The following ACAD11 variants were observed in gnomAD, a reference collection of about 807,000 sequenced individuals.
ACAD11 encodes the protein acyl-Coenzyme A dehydrogenase family, member 11.
In ACAD11, 83 loss-of-function variants were observed where a neutral mutation model predicts 102.2. That is an observed-to-expected ratio of 0.81 (90% CI 0.68 to 0.97). ACAD11 has a LOEUF of 0.97. Among genes scored for constraint, ACAD11 ranks in the 50% least tolerant of loss-of-function variants. ACAD11 has a pLI of 0.00. For missense variants in ACAD11, 901 were observed against 951.7 expected (o/e 0.95, Z 0.70); for synonymous variants, 324 against 319.8 (o/e 1.01, Z -0.14).
chr3:132,650,862 T>A (rs1461271786), intron 1 of ACAD11, among the ~76,000 whole-genome samples: 1 of 152,148 alleles, frequency 6.6e-6, no homozygotes, highest in Admixed American at 6.5e-5. Context: ...TCCCCTTTTA[T>A]ACTTGTTTAC....
intron 11 of ACAD11, 134 bp downstream of exon 11, chr3:132,618,500 T>C: frequency 1.2e-6 from 1 of 801,374 alleles, no homozygotes; most frequent in South Asian, 3.3e-5. Context: ...TAAATCAAAG[T>C]AACTGAAAAG....
intron 13 of ACAD11, among the ~76,000 whole-genome samples, chr3:132,586,583 T>C (rs937811488): frequency 4.6e-5 from 7 of 151,980 alleles, no homozygotes; most frequent in East Asian, 1.9e-4. Flanking sequence ...GTCCCATTTT[T>C]CCCCCAAATA....
At chr3:132,641,617 G>GGAGGAAGAA (rs1940513558) in intron 4 of ACAD11, among the ~76,000 whole-genome samples, 2 of 127,790 alleles carry the variant, frequency 1.6e-5, no homozygotes, top group African/African-American at 5.4e-5. Context: ...AGGAAGAAGA[G>GGAGGAAGAA]GAGGAAGAAG....
At position 132,605,217 on chromosome 3, in the gene ACAD11, G is replaced by A; in HGVS notation, c.1415-12C>T. On this transcript the variant is annotated splice_polypyrimidine_tract_variant and intron_variant, in intron 11 of 19. Coordinates refer to ENST00000264990, the MANE Select transcript of ACAD11 (RefSeq NM_032169.5). ...CATATTCCCTGTGTCTACACATAAA[G>A]AAGGAGTATTTGTTTTGCATTTGAA... 1.3e-6 allele frequency: 2 copies of A among 1,590,568 alleles called. No homozygotes were observed. Among genetic ancestry groups the A allele is most frequent in the Non-Finnish European group, 1.7e-6 (2 of 1,161,440 alleles).
intron 17 of ACAD11, among the ~76,000 whole-genome samples, chr3:132,574,532 A>G (rs1311701980): frequency 1.3e-5 from 2 of 152,230 alleles, no homozygotes; most frequent in African/African-American, 2.4e-5. Context: ...AAAAGCAAAC[A>G]TAGATTATAA....
At chr3:132,638,457 G>C (rs1940356698) in intron 5 of ACAD11, among the ~76,000 whole-genome samples, 1 of 152,126 alleles carries the variant, frequency 6.6e-6, no homozygotes, top group African/African-American at 2.4e-5. Flanking sequence ...GGGAATGAAA[G>C]TTAAGCATAA....
At chr3:132,637,128 T>C (rs1940303966) in intron 5 of ACAD11, among the ~76,000 whole-genome samples, 1 of 152,104 alleles carries the variant, frequency 6.6e-6, no homozygotes, top group Admixed American at 6.6e-5. Flanking sequence ...GGCTAGAAAC[T>C]GGTTAAAGTC....
chr3:132,592,695 C>T (rs765179670), intron 13 of ACAD11, among the ~76,000 whole-genome samples: 2 of 152,158 alleles, frequency 1.3e-5, no homozygotes, highest in Admixed American at 1.3e-4. Flanking sequence ...TTTCTTCTAC[C>T]AACATAGAAT....
At chr3:132,570,273 C>A (rs535027258) in intron 17 of ACAD11, among the ~76,000 whole-genome samples, 1 of 152,048 alleles carries the variant, frequency 6.6e-6, no homozygotes, top group Non-Finnish European at 1.5e-5. Flanking sequence ...ATTCTAAACA[C>A]AGAATTGAGT....
chr3:132,559,198 C>G, intron 19 of ACAD11, 113 bp from the exon 20 acceptor site: 1 of 786,012 alleles, frequency 1.3e-6, no homozygotes. Flanking sequence ...TAAATTCCAC[C>G]AAGGTCAGGG....
At chr3:132,590,213 A>G (rs2107806842) in intron 13 of ACAD11, among the ~76,000 whole-genome samples, 1 of 152,336 alleles carries the variant, frequency 6.6e-6, no homozygotes, top group African/African-American at 2.4e-5. Flanking sequence ...GTATATACCC[A>G]GTAATGGGAT....
At chr3:132,608,259 A>G (rs928843418) in intron 11 of ACAD11, among the ~76,000 whole-genome samples, 3 of 152,202 alleles carry the variant, frequency 2.0e-5, no homozygotes, top group African/African-American at 7.2e-5. Flanking sequence ...GACAGGATCA[A>G]ATTCACATAT....
chr3:132,652,373 T>A (rs1338965016), intron 1 of ACAD11, among the ~76,000 whole-genome samples: 3 of 152,226 alleles, frequency 2.0e-5, no homozygotes, highest in African/African-American at 7.2e-5. Flanking sequence ...CTTTCCTTTA[T>A]AAATTACCCA....
intron 17 of ACAD11, among the ~76,000 whole-genome samples, chr3:132,572,212 G>A (rs1277773082): frequency 2.6e-5 from 4 of 151,998 alleles, no homozygotes; most frequent in Non-Finnish European, 4.4e-5. Flanking sequence ...CAACTTCAGC[G>A]AAGTCTCAGG....
At chr3:132,584,061 G>C (rs1937684248) in intron 13 of ACAD11, among the ~76,000 whole-genome samples, 2 of 152,186 alleles carry the variant, frequency 1.3e-5, no homozygotes, top group African/African-American at 4.8e-5. Flanking sequence ...GAGTTCTGTA[G>C]ATGTCTACTA....
intron 13 of ACAD11, among the ~76,000 whole-genome samples, chr3:132,593,723 A>T (rs980025415): frequency 6.6e-6 from 1 of 152,176 alleles, no homozygotes; most frequent in Non-Finnish European, 1.5e-5. Flanking sequence ...TGGGCAACAT[A>T]GCAAAATGAC....
intron 1 of ACAD11, among the ~76,000 whole-genome samples, chr3:132,652,315 G>A (rs1369600638): frequency 6.6e-6 from 1 of 152,136 alleles, no homozygotes; most frequent in Non-Finnish European, 1.5e-5. Flanking sequence ...CTTCTGCCAT[G>A]ATTGTGAGGA....
chr3:132,650,092 TA>T (rs1281364061), intron 1 of ACAD11: 11 of 152,284 alleles, frequency 7.2e-5, no homozygotes, highest in Admixed American at 6.5e-4. Flanking sequence ...GAGTTTCTTG[TA>T]AGAAGTTGCT....
intron 17 of ACAD11, among the ~76,000 whole-genome samples, chr3:132,570,352 GGT>G (rs1937338683): frequency 6.6e-6 from 1 of 152,140 alleles, no homozygotes; most frequent in Middle Eastern, 3.4e-3. Context: ...ACACAGAATT[GGT>G]GTTTACAATG....
Sources: allele counts gnomAD v4.1 joint callset (sites outside exome capture counted in the v4.1 genomes callset), GRCh38; gene constraint gnomAD v4.1.1; transcripts MANE v1.5; gene names NCBI Gene and HGNC (gene_info 2026-07-23, HGNC 2026-07-21).